TBC1D1: variants seen among roughly 807,000 people sequenced by gnomAD.
TBC1D1 encodes the protein TBC1 domain family member 1.
A neutral mutation model predicts 125.6 loss-of-function variants in TBC1D1; 89 were observed. The ratio of observed to expected loss-of-function variants is 0.71; its 90% CI spans 0.60 to 0.85. TBC1D1 has a LOEUF of 0.85. Among genes scored for constraint, TBC1D1 ranks in the 40% least tolerant of loss-of-function variants. The pLI, the probability that TBC1D1 is intolerant of heterozygous loss-of-function variation, is 0.00. For synonymous variants in TBC1D1, 565 were observed against 564.1 expected, an observed-to-expected ratio of 1.00 and a Z score of -0.02; for missense variants, 1,377 against 1,469.2, an observed-to-expected ratio of 0.94 and a Z score of 1.03.
rs1456050943 is a variant in TBC1D1, at chr4:37,961,092, T to TA, written c.418-53416dup. ...GTGTGTACTTGTATTAATAAAGCAT[T>TA]ATTTGTTTAACAACATAATAAATAC... On this transcript the variant is annotated intron_variant, in intron 2 of 19. Coordinates refer to ENST00000261439, the MANE Select transcript of TBC1D1 (RefSeq NM_015173.4). 3.2e-6 allele frequency: 5 copies of TA among 1,550,464 alleles called. No individual in the cohort carries two copies. The African/African-American group carries it at 6.8e-5, about 21-fold the overall frequency.
intron 2 of TBC1D1, among the ~76,000 whole-genome samples, chr4:37,979,936 C>A (rs895660936): frequency 6.6e-6 from 1 of 152,216 alleles, no homozygotes; most frequent in Admixed American, 6.5e-5. Flanking sequence ...TGCGCCACCA[C>A]CCCCGCTAAT....
chr4:37,996,113 G>A, intron 2 of TBC1D1: 1 of 497,254 alleles, frequency 2.0e-6, no homozygotes, highest in South Asian at 1.5e-5. Flanking sequence ...AATCTGTAGA[G>A]GAATTCCTTG....
intron 7 of TBC1D1, among the ~76,000 whole-genome samples, chr4:38,029,424 A>G (rs1745713200): frequency 6.6e-6 from 1 of 152,098 alleles, no homozygotes; most frequent in African/African-American, 2.4e-5. Context: ...CCGAAGTGCA[A>G]TGGTGCGATC....
At chr4:38,098,864 G>A (rs890730759) in intron 14 of TBC1D1, among the ~76,000 whole-genome samples, 1 of 152,032 alleles carries the variant, frequency 6.6e-6, no homozygotes, top group Non-Finnish European at 1.5e-5. Flanking sequence ...CTGAAGTGAT[G>A]GAAATAAAGG....
At chr4:37,998,172 C>T (rs542458142) in intron 2 of TBC1D1, among the ~76,000 whole-genome samples, 1 of 152,188 alleles carries the variant, frequency 6.6e-6, no homozygotes, top group Non-Finnish European at 1.5e-5. Context: ...TCACTTCTCT[C>T]TCCTCAGTTG....
In TBC1D1 at chr4:38,014,948, A is replaced by G; in HGVS notation, c.857A>G (p.Glu286Gly). 1 of 1,551,060 alleles carries G rather than the reference A, an allele frequency of 6.4e-7. No homozygotes were observed. The highest frequency in any genetic ancestry group is 8.7e-7 in the Non-Finnish European group (1 of 1,145,020). ...AATATTGTGCAGCCCACAGATATCGAGGAAAATCGAACTATGCTCTTCACG... is the reference window on the plus strand; with the variant it reads ...AATATTGTGCAGCCCACAGATATCGGGGAAAATCGAACTATGCTCTTCACG... The change falls in exon 3 of 20, where the codon GAG (glutamate) becomes GGG (glycine). Residue 286 changes from glutamate (E) to glycine (G), a missense_variant. This residue lies in a region of TBC1D1 where 822 missense variants were observed against 824.6 expected (regional missense o/e 1.00). Coordinates refer to ENST00000261439, the MANE Select transcript of TBC1D1 (RefSeq NM_015173.4). This position sits in a 1 kb window ranked among gnomAD's most constrained non-coding sequence, Gnocchi z 5.1.
intron 2 of TBC1D1, among the ~76,000 whole-genome samples, chr4:37,982,210 C>G (rs1734471035): frequency 6.6e-6 from 1 of 152,166 alleles, no homozygotes; most frequent in Non-Finnish European, 1.5e-5. Context: ...TTCTGTTTAC[C>G]AGCACACAGC....
In TBC1D1 at chr4:38,084,738, C is replaced by T. The variant is rs576064937; in HGVS notation, c.2051-5194C>T. ...TTTTTTTAACTTCTTTTTTTTTTTT[C>T]GCATGGAGTTCAGAATTTTCAAGAG... On this transcript the variant is annotated intron_variant, in intron 12 of 19. Coordinates refer to ENST00000261439, the MANE Select transcript of TBC1D1 (RefSeq NM_015173.4). 5.5e-3 allele frequency among the ~76,000 whole-genome samples: 665 copies of T among 120,824 alleles called. 3 individuals carry two copies. Among genetic ancestry groups the T allele is most frequent in the South Asian group, 0.035 (130 of 3,734 alleles). 79.3% of individuals were successfully genotyped at this position (120,824 alleles called of 152,430 possible). A position where few individuals can be genotyped will look rare whatever the true frequency, so the allele number is the denominator to read the frequency against.
At chr4:38,019,902 A>T (rs962170134) in intron 4 of TBC1D1, among the ~76,000 whole-genome samples, 16 of 152,090 alleles carry the variant, frequency 1.1e-4, no homozygotes, top group African/African-American at 3.9e-4. Flanking sequence ...TATTTTAAAT[A>T]TTTTTTTAAC....
At chr4:37,907,095 A>G (rs745441763) in intron 2 of TBC1D1, among the ~76,000 whole-genome samples, 1 of 152,222 alleles carries the variant, frequency 6.6e-6, no homozygotes, top group East Asian at 1.9e-4. Context: ...AATCTCCTTA[A>G]TGTCTGAATT....
intron 19 of TBC1D1, among the ~76,000 whole-genome samples, chr4:38,133,872 C>T (rs561549877): frequency 3.3e-5 from 5 of 152,300 alleles, no homozygotes; most frequent in Admixed American, 6.5e-5. Context: ...AGGTGCAGCA[C>T]GGAGACCAGA....
chr4:37,978,097 A>G (rs1021118448), intron 2 of TBC1D1, among the ~76,000 whole-genome samples: 1 of 152,112 alleles, frequency 6.6e-6, no homozygotes, highest in East Asian at 1.9e-4. Context: ...CATTCCCACA[A>G]AGTTTTATTT....
chr4:38,052,128 TG>T (rs931050229), intron 11 of TBC1D1, 68 bp downstream of exon 12: 1 of 1,489,776 alleles, frequency 6.7e-7, no homozygotes, highest in Non-Finnish European at 9.1e-7. Context: ...GATGAGGATG[TG>T]CTGAATGGGG....
At chr4:38,132,923 C>T (rs1765833972) in intron 18 of TBC1D1, 161 bp from the exon 21 acceptor site, 1 of 423,046 alleles carries the variant, frequency 2.4e-6, no homozygotes, top group Admixed American at 4.4e-5. Context: ...ATTACCTTCT[C>T]AGTGCGTAGT....
Position 38,049,855 on chromosome 4 carries a change from A to G in TBC1D1, c.1867A>G (p.Met623Val). ...CCCGGGGGTTTCGCAAAGGAAACTT[A>G]TGAGGTATCACTCAGTGAGCACAGA... Residue 623 changes from methionine to valine, a missense_variant, in exon 11 of 20, where the codon ATG becomes GTG. This residue lies in a region of TBC1D1 where 822 missense variants were observed against 824.6 expected (regional missense o/e 1.00). Coordinates refer to ENST00000261439, the MANE Select transcript of TBC1D1 (RefSeq NM_015173.4). 1 of 1,614,146 alleles carries G rather than the reference A, an allele frequency of 6.2e-7. No individual in the cohort carries two copies. The highest frequency in any genetic ancestry group is 1.1e-5 in the South Asian group (1 of 91,084).
At chr4:37,975,548 G>C (rs991140566) in intron 2 of TBC1D1, among the ~76,000 whole-genome samples, 24 of 152,188 alleles carry the variant, frequency 1.6e-4, no homozygotes, top group Admixed American at 3.9e-4. Context: ...AGTAGCGGGT[G>C]TTTTTTGTTG....
At chr4:37,970,506 T>C (rs1451096973) in intron 2 of TBC1D1, among the ~76,000 whole-genome samples, 2 of 152,190 alleles carry the variant, frequency 1.3e-5, no homozygotes, top group African/African-American at 2.4e-5. Flanking sequence ...CTCTCCACCT[T>C]CTGTAAATGG....
chr4:38,052,102 C>T, intron 11 of TBC1D1, 42 bp downstream of exon 12: 4 of 1,545,028 alleles, frequency 2.6e-6, no homozygotes, highest in Non-Finnish European at 3.5e-6. Flanking sequence ...GTCTGTTTTC[C>T]TGGGGAGTTC....
chr4:37,948,952 C>A (rs549214705), intron 2 of TBC1D1, among the ~76,000 whole-genome samples: 1 of 152,338 alleles, frequency 6.6e-6, no homozygotes, highest in Admixed American at 6.5e-5. Flanking sequence ...ATCAGTAACT[C>A]ATTTCCTTTT....
Sources: gnomAD v4.1 joint callset for allele counts (sites outside exome capture counted in the v4.1 genomes callset) on GRCh38, gnomAD v4.1.1 for gene constraint, gnomAD v4.1.1 regional missense constraint, Gnocchi (gnomAD v3.1) non-coding constraint, MANE v1.5 for transcripts, NCBI Gene and HGNC (gene_info 2026-07-23, HGNC 2026-07-21) for gene names.